The following CSMD3 variants were observed in gnomAD, a reference collection of about 807,000 sequenced individuals.
CSMD3 encodes the protein CUB and Sushi multiple domains 3.
A neutral mutation model predicts 435.2 loss-of-function variants in CSMD3; 177 were observed. That is an observed-to-expected ratio of 0.41 (90% CI 0.36 to 0.46). CSMD3 has a LOEUF of 0.46. Among genes scored for constraint, CSMD3 ranks in the 20% least tolerant of loss-of-function variants. CSMD3 has a pLI of 0.34. For missense variants in CSMD3, 4,265 were observed against 4,504.6 expected (o/e 0.95, Z 1.52); for synonymous variants, 1,656 against 1,520.5 (o/e 1.09, Z -2.07).
chr8:113,307,275 G>T (rs2093828997), intron 2 of CSMD3, among the ~76,000 whole-genome samples: 1 of 151,980 alleles, frequency 6.6e-6, no homozygotes, highest in South Asian at 2.1e-4. Flanking sequence ...AGCCAGCTAG[G>T]ACACATAATT....
chr8:112,653,936 G>T (rs1381937076), intron 18 of CSMD3, among the ~76,000 whole-genome samples: 3 of 152,058 alleles, frequency 2.0e-5, no homozygotes, highest in Non-Finnish European at 4.4e-5. Context: ...GGGATTACAG[G>T]CGTGAGCCAC....
chr8:113,064,637 T>C lies in CSMD3; in HGVS notation c.917+34119A>G, dbSNP rs535882833. Among the ~76,000 whole-genome samples the C allele has an allele frequency of 2.9e-4, 44 of 152,272 alleles. No homozygotes were observed. In the South Asian group the frequency reaches 8.5e-3, roughly 29 times the overall value. ...AGGAGAATAAGATAAGGCCACCCAG[T>C]GGTGAGCTATAGCCAACAGGTAGCT... On this transcript the variant is annotated intron_variant, in intron 5 of 70. Coordinates refer to ENST00000297405, the MANE Select transcript of CSMD3 (RefSeq NM_198123.2).
intron 24 of CSMD3, among the ~76,000 whole-genome samples, chr8:112,570,656 A>G (rs1002618584): frequency 2.6e-5 from 4 of 152,228 alleles, no homozygotes; most frequent in African/African-American, 9.6e-5. Flanking sequence ...GCAGATATGC[A>G]GAAGAATTGC....
At chr8:112,285,553 T>G (rs1819106232) in intron 58 of CSMD3, among the ~76,000 whole-genome samples, 1 of 152,140 alleles carries the variant, frequency 6.6e-6, no homozygotes, top group Admixed American at 6.6e-5. Context: ...ATCTTCTATT[T>G]ACAAAACCAA....
At chr8:112,463,271 A>T (rs1292818580) in intron 32 of CSMD3, among the ~76,000 whole-genome samples, 1 of 152,202 alleles carries the variant, frequency 6.6e-6, no homozygotes, top group Non-Finnish European at 1.5e-5. Context: ...CTGAGACAAG[A>T]GAATCACTTG....
chr8:112,805,165 T>C (rs1276107430), intron 12 of CSMD3, among the ~76,000 whole-genome samples: 1 of 152,126 alleles, frequency 6.6e-6, no homozygotes, highest in Non-Finnish European at 1.5e-5. Flanking sequence ...GGAGACCTGC[T>C]GGGAAAATTA....
chr8:112,913,061 T>C (rs1356358430), intron 10 of CSMD3, among the ~76,000 whole-genome samples: 1 of 151,978 alleles, frequency 6.6e-6, no homozygotes, highest in African/African-American at 2.4e-5. Context: ...TCCACCATTG[T>C]TCTCATCATT....
chr8:112,494,954 A>G (rs947160786), intron 30 of CSMD3, among the ~76,000 whole-genome samples: 2 of 152,110 alleles, frequency 1.3e-5, no homozygotes, highest in Admixed American at 1.3e-4. Context: ...ATACACTTAC[A>G]CAAAATTTGC....
intron 24 of CSMD3, among the ~76,000 whole-genome samples, chr8:112,564,283 T>C (rs549291272): frequency 1.3e-5 from 2 of 151,610 alleles, no homozygotes; most frequent in South Asian, 4.2e-4. Flanking sequence ...GGCCCTTTCC[T>C]TTCCTTCTTC....
At chr8:113,305,754 T>C (rs2093815458) in intron 2 of CSMD3, among the ~76,000 whole-genome samples, 1 of 152,214 alleles carries the variant, frequency 6.6e-6, no homozygotes, top group African/African-American at 2.4e-5. Flanking sequence ...ATCTATGCAA[T>C]CATTAATTTG....
chr8:113,011,702 C>T (rs896902283), intron 6 of CSMD3, among the ~76,000 whole-genome samples: 17 of 151,466 alleles, frequency 1.1e-4, no homozygotes, highest in African/African-American at 3.9e-4. Context: ...AATTTAAAAT[C>T]GTTCTTGATT....
intron 5 of CSMD3, among the ~76,000 whole-genome samples, chr8:113,047,023 C>A (rs1257722039): frequency 6.6e-6 from 1 of 152,170 alleles, no homozygotes; most frequent in Non-Finnish European, 1.5e-5. Context: ...AGGGTATACA[C>A]CATCAGGTTG....
At chr8:113,355,745 T>TATAC (rs1554618929) in intron 1 of CSMD3, among the ~76,000 whole-genome samples, 1 of 91,858 alleles carries the variant, frequency 1.1e-5, no homozygotes, top group African/African-American at 4.9e-5. Context: ...TATATATATA[T>TATAC]ATATACACAC....
intron 3 of CSMD3, among the ~76,000 whole-genome samples, chr8:113,210,732 C>T (rs772313083): frequency 6.6e-6 from 1 of 151,856 alleles, no homozygotes; most frequent in Non-Finnish European, 1.5e-5. Flanking sequence ...ACAAAATTAG[C>T]TGGGCATGGT....
intron 31 of CSMD3, among the ~76,000 whole-genome samples, chr8:112,474,296 G>C (rs1174187661): frequency 1.3e-5 from 2 of 152,142 alleles, no homozygotes; most frequent in African/African-American, 4.8e-5. Context: ...CCCCGAACTA[G>C]AGTGGGGAGG....
At chr8:113,107,692 C>T (rs2090521283) in intron 4 of CSMD3, among the ~76,000 whole-genome samples, 2 of 152,104 alleles carry the variant, frequency 1.3e-5, no homozygotes, top group Non-Finnish European at 2.9e-5. Context: ...AGTTCAAACC[C>T]TTGTTGTTCA....
rs1165273375 is a variant in CSMD3 at position 113,120,160 on chromosome 8, A to G, written c.710-21197T>C. Among the ~76,000 whole-genome samples, 11 of 152,146 alleles carry G rather than the reference A, an allele frequency of 7.2e-5. No individual in the cohort carries two copies. In the East Asian group the frequency reaches 2.1e-3, roughly 29 times the overall value. Reference sequence around the variant, plus strand: ...TGAGGTTATAATGAATTCATCTACAATCTGCTTCAAGTATCAGGACTTTTT... The same window carrying G: ...TGAGGTTATAATGAATTCATCTACAGTCTGCTTCAAGTATCAGGACTTTTT... On this transcript the variant is annotated intron_variant, in intron 4 of 70. Coordinates refer to ENST00000297405, the MANE Select transcript of CSMD3 (RefSeq NM_198123.2).
intron 63 of CSMD3, among the ~76,000 whole-genome samples, chr8:112,247,701 T>C (rs933400016): frequency 2.6e-5 from 4 of 152,074 alleles, no homozygotes; most frequent in African/African-American, 4.8e-5. Context: ...GCTTTCAAAG[T>C]GTAGTCTCTA....
At chr8:112,227,915 A>G (rs570249033) in intron 70 of CSMD3, among the ~76,000 whole-genome samples, 31 of 151,976 alleles carry the variant, frequency 2.0e-4, no homozygotes, top group East Asian at 5.8e-4. Context: ...GATGGCGGGT[A>G]CCTGTAGTCC....
Sources: gnomAD v4.1 joint callset for allele counts (sites outside exome capture counted in the v4.1 genomes callset) on GRCh38, gnomAD v4.1.1 for gene constraint, MANE v1.5 for transcripts, NCBI Gene and HGNC (gene_info 2026-07-23, HGNC 2026-07-21) for gene names.